The following NCAM2 variants were observed in gnomAD, a reference collection of about 807,000 sequenced individuals.
NCAM2 encodes neural cell adhesion molecule 2.
Under a neutral mutation model 98.1 loss-of-function variants are expected in NCAM2, and 30 were observed. The ratio of observed to expected loss-of-function variants is 0.31; its 90% CI spans 0.23 to 0.41. The LOEUF (loss-of-function observed/expected upper bound fraction) is 0.41, where lower values mean the gene tolerates loss of function less well. Among genes scored for constraint, NCAM2 ranks in the 10% least tolerant of loss-of-function variants. The probability of loss-of-function intolerance (pLI) is 1.00; values close to 1 mark genes in which losing one functional copy is unlikely to be tolerated. For missense variants in NCAM2, 867 were observed against 1,005.8 expected, an observed-to-expected ratio of 0.86 and a Z score of 1.87; for synonymous variants, 368 against 342.4, an observed-to-expected ratio of 1.07 and a Z score of -0.83.
chr21:21,216,502 C>G (rs1412546863), intron 1 of NCAM2, among the ~76,000 whole-genome samples: 1 of 152,126 alleles, frequency 6.6e-6, no homozygotes, highest in East Asian at 1.9e-4. Flanking sequence ...AGATATGTGG[C>G]CACAATCTGG....
chr21:21,218,338 G>C (rs1172359794), intron 1 of NCAM2, among the ~76,000 whole-genome samples: 2 of 152,038 alleles, frequency 1.3e-5, no homozygotes, highest in Admixed American at 6.6e-5. Flanking sequence ...TTGTGACCAA[G>C]TATACTCTCA....
At chr21:21,483,598 C>T (rs1569109079) in intron 15 of NCAM2, among the ~76,000 whole-genome samples, 1 of 150,966 alleles carries the variant, frequency 6.6e-6, no homozygotes, top group Non-Finnish European at 1.5e-5. Flanking sequence ...TTTAGGATTA[C>T]ATTTATGGTT....
In NCAM2 at chr21:21,022,558, TGTTATACTA is replaced by T. The variant is rs1464149119; in HGVS notation, c.55+23949_55+23957del. 2.6e-5 allele frequency among the ~76,000 whole-genome samples: 4 copies of T among 152,272 alleles called. No individual in the cohort carries two copies. In the East Asian group the frequency reaches 7.7e-4, roughly 29 times the overall value. On this transcript the variant is annotated intron_variant, in intron 1 of 17. Coordinates refer to ENST00000400546, the MANE Select transcript of NCAM2 (RefSeq NM_004540.5). ...ATTTGAATTATTTTACTGCTAAAAC[TGTTATACTA>T]GTTATACTTACACACAGGCTAATTC... is the stretch of plus-strand genomic sequence containing the variant.
intron 1 of NCAM2, among the ~76,000 whole-genome samples, chr21:21,050,207 A>C (rs2065080155): frequency 6.6e-6 from 1 of 151,960 alleles, no homozygotes; most frequent in African/African-American, 2.4e-5. Flanking sequence ...CATTTCACAC[A>C]CTCCCTTAAT....
chr21:21,187,523 A>G (rs1413605299), intron 1 of NCAM2, among the ~76,000 whole-genome samples: 3 of 152,186 alleles, frequency 2.0e-5, no homozygotes, highest in Non-Finnish European at 4.4e-5. Context: ...ATTCCCAATA[A>G]TGTGTAGGCT....
At chr21:21,444,474 T>G (rs1044488767) in intron 12 of NCAM2, among the ~76,000 whole-genome samples, 1 of 152,090 alleles carries the variant, frequency 6.6e-6, no homozygotes, top group African/African-American at 2.4e-5. Flanking sequence ...GGCTTTTTTT[T>G]TGGTTGGTAG....
At chr21:21,411,031 T>TACAC (rs1555889814) in intron 10 of NCAM2, among the ~76,000 whole-genome samples, 3 of 76,336 alleles carry the variant, frequency 3.9e-5, no homozygotes, top group South Asian at 4.6e-4. Context: ...TATATATATA[T>TACAC]ACACACATAT....
At chr21:21,204,465 A>G (rs900371310) in intron 1 of NCAM2, among the ~76,000 whole-genome samples, 6 of 152,100 alleles carry the variant, frequency 3.9e-5, no homozygotes, top group African/African-American at 1.4e-4. Context: ...TTTCTTTGGA[A>G]GAAAGATATT....
chr21:21,250,631 G>GTT, intron 1 of NCAM2, among the ~76,000 whole-genome samples: 2 of 152,188 alleles, frequency 1.3e-5, no homozygotes, highest in East Asian at 3.9e-4. Context: ...GAAGTCATAT[G>GTT]TTTTTTTCAA....
chr21:21,061,240 C>A (rs2065315206), intron 1 of NCAM2, among the ~76,000 whole-genome samples: 1 of 152,112 alleles, frequency 6.6e-6, no homozygotes, highest in African/African-American at 2.4e-5. Context: ...TCAATATTTT[C>A]TTTCAAAGTG....
intron 14 of NCAM2, among the ~76,000 whole-genome samples, chr21:21,469,629 T>A (rs1203772005): frequency 6.6e-6 from 1 of 151,978 alleles, no homozygotes; most frequent in Non-Finnish European, 1.5e-5. Context: ...AATTACTCCA[T>A]AGTAGTGTGT....
chr21:21,524,470 C>T (rs1693512819), intron 16 of NCAM2, among the ~76,000 whole-genome samples: 1 of 148,736 alleles, frequency 6.7e-6, no homozygotes, highest in South Asian at 2.1e-4. Context: ...GCAGAGGTTG[C>T]TGTGAGCTGA....
intron 12 of NCAM2, among the ~76,000 whole-genome samples, chr21:21,439,214 G>A (rs1226197633): frequency 6.6e-6 from 1 of 151,886 alleles, no homozygotes. Flanking sequence ...CGCCTCCCGG[G>A]TTCAAGCAAT....
At chr21:21,213,638 C>T (rs2069749435) in intron 1 of NCAM2, among the ~76,000 whole-genome samples, 1 of 152,090 alleles carries the variant, frequency 6.6e-6, no homozygotes, top group Non-Finnish European at 1.5e-5. Flanking sequence ...TACAGTTCTC[C>T]AAAGACTCAG....
At position 21,468,670 on chromosome 21, in the gene NCAM2, A is replaced by G. The variant is rs1602430467; in HGVS notation, c.1783A>G (p.Ser595Gly). The G allele has an allele frequency of 2.5e-6, 4 of 1,610,926 alleles. No individual in the cohort carries two copies. The highest frequency in any genetic ancestry group is 3.4e-6 in the Non-Finnish European group (4 of 1,178,180). The change falls in exon 14 of 18, where the codon AGT becomes GGT. Residue 595 changes from serine to glycine, a missense_variant. Around this residue, in one of 5 missense-constraint regions of NCAM2, gnomAD observed 234 missense variants for 333.8 expected, o/e 0.70. Coordinates refer to ENST00000400546, the MANE Select transcript of NCAM2 (RefSeq NM_004540.5). ...IFQTLPVREP[S>G]PPSIHGQPSS... ...TTGTATTGTATATCTAGGTGAACCAAGTCCTCCATCCATACATGGACAGCC... is the reference window on the plus strand; with the variant it reads ...TTGTATTGTATATCTAGGTGAACCAGGTCCTCCATCCATACATGGACAGCC...
intron 1 of NCAM2, among the ~76,000 whole-genome samples, chr21:21,266,623 A>T (rs539406298): frequency 6.6e-6 from 1 of 152,134 alleles, no homozygotes; most frequent in Non-Finnish European, 1.5e-5. Context: ...TCACAGGGAC[A>T]AAAAAACAAA....
intron 5 of NCAM2, among the ~76,000 whole-genome samples, chr21:21,296,953 T>A (rs1893333): frequency 0.63 from 94,807 of 151,372 alleles, 30,717 homozygotes; most frequent in Non-Finnish European, 0.73. Context: ...ATACTGCTTA[T>A]GTTCTCTGTG....
At chr21:21,422,643 G>A (rs2077134192) in intron 11 of NCAM2, among the ~76,000 whole-genome samples, 1 of 151,824 alleles carries the variant, frequency 6.6e-6, no homozygotes, top group South Asian at 2.1e-4. Context: ...TGTTGTTACA[G>A]AAATATGAAA....
intron 1 of NCAM2, among the ~76,000 whole-genome samples, chr21:21,159,645 A>G (rs2067721671): frequency 6.6e-6 from 1 of 152,128 alleles, no homozygotes; most frequent in African/African-American, 2.4e-5. Context: ...GTAGTAGGCT[A>G]TGCCATCTAG....
Sources: allele counts gnomAD v4.1 joint callset (sites outside exome capture counted in the v4.1 genomes callset), GRCh38; gene constraint gnomAD v4.1.1; regional missense constraint gnomAD v4.1.1; transcripts MANE v1.5; gene names NCBI Gene and HGNC (gene_info 2026-07-23, HGNC 2026-07-21).